The following PC variants were observed in gnomAD, a reference collection of about 807,000 sequenced individuals.
PC encodes pyruvate carboxylase.
Under a neutral mutation model 107.8 loss-of-function variants are expected in PC, and 46 were observed. The observed-to-expected ratio is 0.43, with a 90% CI of 0.34 to 0.55. The LOEUF (loss-of-function observed/expected upper bound fraction) is 0.55. Among genes scored for constraint, PC ranks in the 20% least tolerant of loss-of-function variants. The probability of loss-of-function intolerance (pLI) is 0.04; values close to 1 mark genes in which losing one functional copy is unlikely to be tolerated. For synonymous variants in PC, 662 were observed against 684.7 expected, an observed-to-expected ratio of 0.97 and a Z score of 0.52; for missense variants, 1,241 against 1,643.1, an observed-to-expected ratio of 0.76 and a Z score of 4.23.
intron 3 of PC, among the ~76,000 whole-genome samples, chr11:66,914,373 G>A (rs908726484): frequency 3.3e-5 from 5 of 152,052 alleles, no homozygotes; most frequent in South Asian, 2.1e-4. Flanking sequence ...TTAGCTGGGC[G>A]TGGTGGCAGG....
intron 12 of PC, among the ~76,000 whole-genome samples, chr11:66,861,407 T>G (rs930187073): frequency 6.6e-6 from 1 of 152,234 alleles, no homozygotes; most frequent in South Asian, 2.1e-4. Context: ...TGGTGTTTTC[T>G]GTGTGAGGGC....
In PC at chr11:66,848,443, T is replaced by C. The variant is rs769908048; in HGVS notation, c.*456A>G. 29 of 528,024 alleles carry C rather than the reference T, an allele frequency of 5.5e-5. No homozygotes were observed. Among genetic ancestry groups the C allele is most frequent in the Non-Finnish European group, 8.9e-5 (27 of 301,936 alleles). 32.7% of individuals were successfully genotyped at this position (528,024 alleles called of 1,614,324 possible). ...TCTGAGGAGAACGACACAACTGACC[T>C]GCCCACCCATGGGGAGCTTGAAAGG... On this transcript the variant is annotated 3_prime_UTR_variant, in exon 23 of 23. Transcript: ENST00000393960.
chr11:66,929,193 C>T (rs1325863708), intron 3 of PC, among the ~76,000 whole-genome samples: 1 of 152,058 alleles, frequency 6.6e-6, no homozygotes, highest in Non-Finnish European at 1.5e-5. Flanking sequence ...AAATATGAGT[C>T]AGATTTCCAG....
rs767718063 is a variant in PC, at chr11:66,851,832, T to C, written c.1940A>G (p.Asn647Ser). 9.4e-5 allele frequency: 152 copies of C among 1,613,980 alleles called. No individual in the cohort carries two copies. Among genetic ancestry groups the C allele is most frequent in the Admixed American group, 1.5e-4 (9 of 60,002 alleles). Residue 647 changes from asparagine to serine, a missense_variant, in exon 16 of 23, where the codon AAT becomes AGT. Physicochemically the swap from Asn to Ser is conservative, Grantham distance 46. This residue lies in a region of PC where 1,143 missense variants were observed against 1,551.9 expected (regional missense o/e 0.74). Coordinates refer to ENST00000393960, the MANE Select transcript of PC (RefSeq NM_001040716.2). ...IPFQMLLRGA[N>S]AVGYTNYPDN... is the part of the protein sequence containing the mutation. ...TGGGTAGTTGGTGTAGCCCACAGCA[T>C]TGGCCCCCCGCAGCAGCATCTGGAA...
chr11:66,872,154 C>G lies in PC; in HGVS notation c.6G>C (p.Leu2=), dbSNP rs1419504903. ...GGCCCCCATGGACTGTTCGGAACTTCAGCATCTAGGGAGGGAAGTTAGAGC... is the reference window on the plus strand; with the variant it reads ...GGCCCCCATGGACTGTTCGGAACTTGAGCATCTAGGGAGGGAAGTTAGAGC... The part of the protein sequence containing the change: M[L]KFRTVHGGLR... Residue 2 remains leucine (L), a synonymous_variant, in exon 4 of 23, where the codon CTG becomes CTC. Coordinates refer to ENST00000393960, the MANE Select transcript of PC (RefSeq NM_001040716.2). 1 of 1,581,634 alleles carries G rather than the reference C, an allele frequency of 6.3e-7. No homozygotes were observed. Among genetic ancestry groups the G allele is most frequent in the South Asian group, 1.2e-5 (1 of 86,266 alleles).
At chr11:66,854,841 G>T (rs999617955) in intron 12 of PC, among the ~76,000 whole-genome samples, 3 of 152,236 alleles carry the variant, frequency 2.0e-5, no homozygotes, top group African/African-American at 7.2e-5. Flanking sequence ...TGCTGTGCCT[G>T]TCTGCCCCTG....
rs189311968 is a variant in PC, at chr11:66,866,417, G to A, written c.1023-68C>T. ...GGGAAACATGAGGCGGGGGATAGAC[G>A]AGGGGCACCGCAGCCAGTGGGGCGT... On this transcript the variant is annotated intron_variant, in intron 10 of 22. Coordinates refer to ENST00000393960, the MANE Select transcript of PC (RefSeq NM_001040716.2). The surrounding 1 kb of genome is among the most constrained non-coding windows in gnomAD (Gnocchi z 5.4). 2.4e-4 allele frequency: 279 copies of A among 1,172,708 alleles called. 5 individuals carry two copies. In the East Asian group the frequency reaches 4.2e-3, roughly 18 times the overall value. 72.6% of individuals were successfully genotyped at this position (1,172,708 alleles called of 1,614,324 possible).
At chr11:66,862,655 C>T (rs765636637) in intron 12 of PC, among the ~76,000 whole-genome samples, 22 of 152,246 alleles carry the variant, frequency 1.4e-4, no homozygotes, top group Non-Finnish European at 2.5e-4. Flanking sequence ...GTGGCTCCCA[C>T]GGGACACGTG....
rs756446210 is a variant in PC at position 66,866,371 on chromosome 11, G to A, written c.1023-22C>T. 7 of 1,595,794 alleles carry A rather than the reference G, an allele frequency of 4.4e-6. No individual in the cohort carries two copies. The highest frequency in any genetic ancestry group is 3.4e-5 in the Admixed American group (2 of 59,394). ...TACGCTGTAGGGCATTGGGGGGAGGGGGGAAAGGACGGGAGAAAGGGGGAA... is the reference window on the plus strand; with the variant it reads ...TACGCTGTAGGGCATTGGGGGGAGGAGGGAAAGGACGGGAGAAAGGGGGAA... On this transcript the variant is annotated intron_variant, in intron 10 of 22. Transcript: ENST00000393960. The surrounding 1 kb of genome is among the most constrained non-coding windows in gnomAD (Gnocchi z 5.4).
chr11:66,881,706 C>T (rs1228508835), intron 3 of PC, among the ~76,000 whole-genome samples: 2 of 152,244 alleles, frequency 1.3e-5, no homozygotes, highest in Admixed American at 1.3e-4. Flanking sequence ...CACTGTGGCT[C>T]TTCACGCAGA....
chr11:66,858,167 C>A lies in PC; in HGVS notation c.1369-4784G>T. Reference sequence around the variant, plus strand: ...GCCGCATCGCGCCGGGAGCCTTCGACGACTTCCTAGAGAGCCTGGAGGACC... The same window carrying A: ...GCCGCATCGCGCCGGGAGCCTTCGAAGACTTCCTAGAGAGCCTGGAGGACC... On this transcript the variant is annotated intron_variant, in intron 12 of 22. Transcript: ENST00000393960. The surrounding 1 kb of genome is among the most constrained non-coding windows in gnomAD (Gnocchi z 5.9). The A allele has an allele frequency of 1.9e-6, 3 of 1,610,870 alleles. No homozygotes were observed. The highest frequency in any genetic ancestry group is 1.7e-6 in the Non-Finnish European group (2 of 1,178,802).
chr11:66,925,160 A>G (rs977891708), intron 3 of PC, among the ~76,000 whole-genome samples: 26 of 152,212 alleles, frequency 1.7e-4, no homozygotes, highest in African/African-American at 6.3e-4. Flanking sequence ...TGAAATTAAA[A>G]TTGCTAATGA....
At chr11:66,886,532 T>C (rs1285333802) in intron 3 of PC, among the ~76,000 whole-genome samples, 1 of 152,096 alleles carries the variant, frequency 6.6e-6, no homozygotes, top group Non-Finnish European at 1.5e-5. Flanking sequence ...GCTAGGAAGA[T>C]GTTCTAATGT....
intron 3 of PC, among the ~76,000 whole-genome samples, chr11:66,887,432 T>C (rs1421140587): frequency 6.6e-6 from 1 of 152,104 alleles, no homozygotes; most frequent in Non-Finnish European, 1.5e-5. Context: ...GAAAAGCTAT[T>C]GCATCCATTA....
rs767792134 is a variant in PC at position 66,858,290 on chromosome 11, C to T, written c.1369-4907G>A. The T allele has an allele frequency of 2.5e-6, 4 of 1,611,510 alleles. No homozygotes were observed. The highest frequency in any genetic ancestry group is 1.1e-5 in the South Asian group (1 of 91,088). ...TCAACCTGGACCATAACCTTATTGACGCACTGCCCCCAGGCGCCTTCGCCC... is the reference window on the plus strand; with the variant it reads ...TCAACCTGGACCATAACCTTATTGATGCACTGCCCCCAGGCGCCTTCGCCC... On this transcript the variant is annotated intron_variant, in intron 12 of 22. Transcript: ENST00000393960. The surrounding 1 kb of genome is among the most constrained non-coding windows in gnomAD (Gnocchi z 5.9).
In PC at chr11:66,850,904, T is replaced by C; in HGVS notation, c.2243A>G (p.Lys748Arg). 3 of 1,609,658 alleles carry C rather than the reference T, an allele frequency of 1.9e-6. No homozygotes were observed. Among genetic ancestry groups the C allele is most frequent in the Non-Finnish European group, 2.5e-6 (3 of 1,179,936 alleles). Reference sequence around the variant, plus strand: ...GACCAGCATGGTGCAGGCCGTGGGCTTCAGCAGCCCGGCCATGTCCTGGGG... The same window carrying C: ...GACCAGCATGGTGCAGGCCGTGGGCCTCAGCAGCCCGGCCATGTCCTGGGG... ...LCIKDMAGLL[K>R]PTACTMLVSS... The change falls in exon 18 of 23, where the codon AAG becomes AGG. Residue 748 changes from lysine to arginine, a missense_variant. Around this residue, in one of 2 missense-constraint regions of PC, gnomAD observed 1,143 missense variants for 1,551.9 expected, o/e 0.74. Coordinates refer to ENST00000393960, the MANE Select transcript of PC (RefSeq NM_001040716.2).
chr11:66,872,004 CCG>C lies in PC; in HGVS notation c.136+18_136+19del, dbSNP rs1020003716. 1.3e-6 allele frequency: 2 copies of C among 1,557,158 alleles called. No individual in the cohort carries two copies. Among genetic ancestry groups the C allele is most frequent in the African/African-American group, 2.7e-5 (2 of 73,408 alleles). On this transcript the variant is annotated intron_variant, in intron 4 of 22. Coordinates refer to ENST00000393960, the MANE Select transcript of PC (RefSeq NM_001040716.2). Reference sequence around the variant, plus strand: ...TGGGGCGGCCATGAGGCTCCTCTCACCGGCCCCACTGGTGCTCACCTCTGTTG... The same window carrying C: ...TGGGGCGGCCATGAGGCTCCTCTCACGCCCCACTGGTGCTCACCTCTGTTG...
rs546882403 is a variant in PC at position 66,880,005 on chromosome 11, C to T, written c.1-7846G>A. Among the ~76,000 whole-genome samples, 26 of 152,316 alleles carry T rather than the reference C, an allele frequency of 1.7e-4. No homozygotes were observed. The East Asian group carries it at 3.1e-3, about 18-fold the overall frequency. Reference sequence around the variant, plus strand: ...CACCGCTGTGGTCACACAAGACCCCCACCACCAACCTGTCTCTCCCTGACC... The same window carrying T: ...CACCGCTGTGGTCACACAAGACCCCTACCACCAACCTGTCTCTCCCTGACC... On this transcript the variant is annotated intron_variant, in intron 3 of 22. Transcript: ENST00000393960.
At chr11:66,860,484 C>T (rs1171055857) in intron 12 of PC, 1 of 702,954 alleles carries the variant, frequency 1.4e-6, no homozygotes, top group Non-Finnish European at 2.6e-6. Flanking sequence ...CAGTGCTAGT[C>T]TCTGGTGTTG....
Sources: gnomAD v4.1 joint callset for allele counts (sites outside exome capture counted in the v4.1 genomes callset) on GRCh38, gnomAD v4.1.1 for gene constraint, gnomAD v4.1.1 regional missense constraint, Gnocchi (gnomAD v3.1) non-coding constraint, MANE v1.5 for transcripts, NCBI Gene and HGNC (gene_info 2026-07-23, HGNC 2026-07-21) for gene names.